Variants in GAS2 observed in about 807,000 individuals in gnomAD.
GAS2 encodes growth arrest-specific protein 2.
Under a neutral mutation model 37.5 loss-of-function variants are expected in GAS2, and 20 were observed. That is an observed-to-expected ratio of 0.53 (90% CI 0.37 to 0.77). The LOEUF is 0.77. GAS2 is among the 30% of genes least tolerant of loss of function. The pLI, the probability that GAS2 is intolerant of heterozygous loss-of-function variation, is 0.00. For missense variants in GAS2, 336 were observed against 373.4 expected (o/e 0.90, Z 0.82); for synonymous variants, 144 against 132.2 (o/e 1.09, Z -0.61).
chr11:22,628,577 T>C (rs964501494), intron 1 of GAS2, among the ~76,000 whole-genome samples: 6 of 152,188 alleles, frequency 3.9e-5, no homozygotes, highest in Admixed American at 3.3e-4. Flanking sequence ...TTGGTGAAGT[T>C]TTCAAATATT....
At chr11:22,650,877 G>T (rs1325907407) in intron 1 of GAS2, among the ~76,000 whole-genome samples, 1 of 151,016 alleles carries the variant, frequency 6.6e-6, no homozygotes, top group Non-Finnish European at 1.5e-5. Flanking sequence ...TATCCAATTT[G>T]CCAGTCTGTG....
chr11:22,718,444 A>G (rs932644111), intron 3 of GAS2, among the ~76,000 whole-genome samples: 2 of 151,146 alleles, frequency 1.3e-5, no homozygotes, highest in Non-Finnish European at 3.0e-5. Flanking sequence ...GTTCTCAGTT[A>G]TAAGTGGGAG....
At chr11:22,711,951 C>T (rs913794124) in intron 3 of GAS2, among the ~76,000 whole-genome samples, 1 of 152,110 alleles carries the variant, frequency 6.6e-6, no homozygotes, top group Non-Finnish European at 1.5e-5. Context: ...GACATAATCT[C>T]TTGGGAGCTG....
intron 3 of GAS2, among the ~76,000 whole-genome samples, chr11:22,700,803 C>T (rs550508436): frequency 1.3e-5 from 2 of 152,186 alleles, no homozygotes; most frequent in East Asian, 1.9e-4. Context: ...CATGAATTTG[C>T]TCACCATTGA....
At chr11:22,708,472 T>G (rs1590681380) in intron 3 of GAS2, among the ~76,000 whole-genome samples, 2 of 152,164 alleles carry the variant, frequency 1.3e-5, no homozygotes, top group East Asian at 3.9e-4. Flanking sequence ...AACGTCATGA[T>G]GTAGTTGCTA....
rs116444876 is a variant in GAS2, at chr11:22,673,627, C to T, written c.-20-1223C>T. ...GCATACAAAAGTGCTATATTCTGTC[C>T]GGGCATGGTGGCTCAACGCCTGTAA... On this transcript the variant is annotated intron_variant, in intron 1 of 7. Transcript: ENST00000454584. Among the ~76,000 whole-genome samples, 633 of 152,110 alleles carry T rather than the reference C, an allele frequency of 4.2e-3. 3 individuals carry two copies. Among genetic ancestry groups the T allele is most frequent in the African/African-American group, 0.012 (517 of 41,476 alleles).
At chr11:22,765,857 TG>T (rs1283531038) in intron 7 of GAS2, among the ~76,000 whole-genome samples, 1 of 152,112 alleles carries the variant, frequency 6.6e-6, no homozygotes, top group Non-Finnish European at 1.5e-5. Context: ...TTCTGCAGGC[TG>T]TACAGAAAGC....
At chr11:22,747,978 G>A (rs996629830) in intron 5 of GAS2, among the ~76,000 whole-genome samples, 1 of 151,576 alleles carries the variant, frequency 6.6e-6, no homozygotes, top group Non-Finnish European at 1.5e-5. Flanking sequence ...GTTAGAATAG[G>A]ACAATTACTT....
intron 7 of GAS2, among the ~76,000 whole-genome samples, chr11:22,766,117 A>G (rs983437206): frequency 9.9e-5 from 15 of 152,252 alleles, no homozygotes; most frequent in African/African-American, 3.6e-4. Context: ...CCCACCTTCA[A>G]CATTGCGGAT....
At chr11:22,776,401 CT>C (rs1855258529) in intron 7 of GAS2, among the ~76,000 whole-genome samples, 1 of 152,094 alleles carries the variant, frequency 6.6e-6, no homozygotes, top group South Asian at 2.1e-4. Flanking sequence ...TTGCTGACCC[CT>C]GACATTGATC....
At chr11:22,707,859 G>C (rs912234463) in intron 3 of GAS2, among the ~76,000 whole-genome samples, 1 of 152,126 alleles carries the variant, frequency 6.6e-6, no homozygotes, top group African/African-American at 2.4e-5. Flanking sequence ...ACATTGAGCT[G>C]GAGAATGAGA....
chr11:22,724,398 A>T (rs1852096467), intron 3 of GAS2, among the ~76,000 whole-genome samples: 1 of 152,006 alleles, frequency 6.6e-6, no homozygotes, highest in Non-Finnish European at 1.5e-5. Flanking sequence ...TGCAACAAAT[A>T]TACTTGTACA....
chr11:22,685,575 G>C lies in GAS2; in HGVS notation c.146-93G>C, dbSNP rs534138534. ...CCAGTTATGTAACTCAGCTAGAATA[G>C]CAATTTTAGTGATAAAACTGTGTCA... On this transcript the variant is annotated intron_variant, in intron 2 of 7. Transcript: ENST00000454584. 61 of 1,357,930 alleles carry C rather than the reference G, an allele frequency of 4.5e-5. No individual in the cohort carries two copies. The Admixed American group carries it at 1.1e-3, about 25-fold the overall frequency. The allele number at this position is 1,357,930 out of a possible 1,614,324, so 84.1% of individuals were successfully genotyped here. A position where few individuals can be genotyped will look rare whatever the true frequency, so the allele number is the denominator to read the frequency against.
intron 2 of GAS2, among the ~76,000 whole-genome samples, chr11:22,677,586 A>T (rs1402509239): frequency 6.6e-6 from 1 of 152,202 alleles, no homozygotes; most frequent in Non-Finnish European, 1.5e-5. Flanking sequence ...AGGGCATTTT[A>T]TTTAGTGAGT....
intron 7 of GAS2, among the ~76,000 whole-genome samples, chr11:22,810,768 C>G (rs1456897351): frequency 6.6e-6 from 1 of 150,988 alleles, no homozygotes; most frequent in Non-Finnish European, 1.5e-5. Flanking sequence ...GTGGTAAGAA[C>G]AAGTGGTAAG....
intron 7 of GAS2, among the ~76,000 whole-genome samples, chr11:22,762,473 CCTATAA>C (rs1402619090): frequency 6.6e-6 from 1 of 152,104 alleles, no homozygotes; most frequent in Non-Finnish European, 1.5e-5. Flanking sequence ...ACTTGCCAAA[CCTATAA>C]CACATTCCAC....
chr11:22,713,801 T>C (rs949364079), intron 3 of GAS2, among the ~76,000 whole-genome samples: 5 of 152,112 alleles, frequency 3.3e-5, no homozygotes, highest in African/African-American at 9.7e-5. Flanking sequence ...AAATAAATGC[T>C]AAGAGAATTA....
At chr11:22,645,275 C>T (rs1205632560) in intron 1 of GAS2, among the ~76,000 whole-genome samples, 6 of 151,864 alleles carry the variant, frequency 4.0e-5, no homozygotes, top group Non-Finnish European at 8.8e-5. Context: ...TTTGGGAGGC[C>T]GAGATGGGCA....
chr11:22,687,238 G>A (rs1850007586), intron 3 of GAS2, among the ~76,000 whole-genome samples: 1 of 151,994 alleles, frequency 6.6e-6, no homozygotes, highest in South Asian at 2.1e-4. Context: ...GAGGCGGCAG[G>A]TTCAATTGAG....
Sources: allele counts gnomAD v4.1 joint callset (sites outside exome capture counted in the v4.1 genomes callset), GRCh38; gene constraint gnomAD v4.1.1; transcripts MANE v1.5; gene names NCBI Gene and HGNC (gene_info 2026-07-23, HGNC 2026-07-21).